ZC3H11A: variants seen among roughly 807,000 people sequenced by gnomAD.
ZC3H11A encodes the protein zinc finger CCCH-type containing 11A.
A neutral mutation model predicts 90.8 loss-of-function variants in ZC3H11A; 22 were observed. The ratio of observed to expected loss-of-function variants is 0.24; its 90% CI spans 0.17 to 0.35. The LOEUF is 0.35. Ranked by LOEUF, ZC3H11A falls within the 10% of genes least tolerant of loss-of-function variation. The probability of loss-of-function intolerance (pLI) is 1.00; values close to 1 mark genes in which losing one functional copy is unlikely to be tolerated. For synonymous variants in ZC3H11A, 294 were observed against 339.8 expected (o/e 0.87, Z 1.48); for missense variants, 701 against 964.9 (o/e 0.73, Z 3.62).
intron 1 of ZC3H11A, chr1:203,799,834 A>T (rs988752544): frequency 6.6e-7 from 1 of 1,506,840 alleles, no homozygotes; most frequent in Non-Finnish European, 8.9e-7. Flanking sequence ...ACTTTGTTAG[A>T]TCCTTGCTTT....
At chr1:203,841,884 G>A (rs1407734910) in intron 12 of ZC3H11A, among the ~76,000 whole-genome samples, 1 of 148,778 alleles carries the variant, frequency 6.7e-6, no homozygotes, top group Non-Finnish European at 1.5e-5. Flanking sequence ...CTTCTCAGAC[G>A]GGGCGGCCGG....
At chr1:203,811,463 A>G (rs10900520) in intron 2 of ZC3H11A, among the ~76,000 whole-genome samples, 48,202 of 152,028 alleles carry the variant, frequency 0.32, 8,277 homozygotes, top group East Asian at 0.74. Context: ...TCTTTGGAAT[A>G]TTGATTTTGT....
At chr1:203,820,112 G>C (rs1300087974) in intron 4 of ZC3H11A, among the ~76,000 whole-genome samples, 1 of 151,710 alleles carries the variant, frequency 6.6e-6, no homozygotes, top group African/African-American at 2.4e-5. Flanking sequence ...GCACGCGTCT[G>C]TAATCCCAGC....
At chr1:203,799,635 A>G (rs1669899579) in intron 1 of ZC3H11A, 1 of 703,420 alleles carries the variant, frequency 1.4e-6, no homozygotes, top group Non-Finnish European at 2.6e-6. Flanking sequence ...AGTGAGCGTG[A>G]AGACCGCAGG....
intron 10 of ZC3H11A, 143 bp from the exon 11 acceptor site, chr1:203,837,823 C>T: frequency 1.3e-6 from 1 of 748,230 alleles, no homozygotes; most frequent in Non-Finnish European, 2.2e-6. Context: ...TAACATTGAA[C>T]TCTAAGGAAG....
At chr1:203,809,074 C>T (rs1673368768) in intron 2 of ZC3H11A, among the ~76,000 whole-genome samples, 1 of 152,106 alleles carries the variant, frequency 6.6e-6, no homozygotes, top group Non-Finnish European at 1.5e-5. Flanking sequence ...AGGTGATCCA[C>T]CTGTCTCGGC....
chr1:203,852,505 G>A lies in ZC3H11A; in HGVS notation c.*106G>A. ...TGATCATTTCTTTAGTCTAGAATTT[G>A]CCCCAAATCAGAAGTATACCTCTGA... On this transcript the variant is annotated 3_prime_UTR_variant, in exon 18 of 18. Transcript: ENST00000367210. The A allele has an allele frequency of 7.5e-7, 1 of 1,330,778 alleles. No individual in the cohort carries two copies. Among genetic ancestry groups the A allele is most frequent in the Non-Finnish European group, 1.0e-6 (1 of 981,662 alleles). 82.4% of individuals were successfully genotyped at this position (1,330,778 alleles called of 1,614,324 possible).
At chr1:203,826,371 A>G (rs903243688) in intron 4 of ZC3H11A, among the ~76,000 whole-genome samples, 4 of 148,498 alleles carry the variant, frequency 2.7e-5, no homozygotes, top group Admixed American at 6.6e-5. Flanking sequence ...ATAAATATTG[A>G]TTAATAATAA....
In ZC3H11A at chr1:203,850,671, A is replaced by G; in HGVS notation, c.2096A>G (p.Lys699Arg). ...GTCCTACAGGAACCCCCAGCCAAAA[A>G]GGCAGCTGTGGTAAGAAGTATATTC... ...SSVLQEPPAK[K>R]AAVAVVPLVS... Residue 699 changes from lysine (K) to arginine (R), a missense_variant, in exon 16 of 18, where the codon AAG (lysine) becomes AGG (arginine). Lys to Arg is a conservative substitution (Grantham distance 26). This residue lies in a region of ZC3H11A where 91 missense variants were observed against 86.8 expected (regional missense o/e 1.05). Coordinates refer to ENST00000367210, the MANE Select transcript of ZC3H11A (RefSeq NM_001376342.1). 1 of 1,613,956 alleles carries G rather than the reference A, an allele frequency of 6.2e-7. No homozygotes were observed. Among genetic ancestry groups the G allele is most frequent in the Non-Finnish European group, 8.5e-7 (1 of 1,179,874 alleles).
intron 4 of ZC3H11A, among the ~76,000 whole-genome samples, chr1:203,819,117 C>CACACGT: frequency 7.1e-6 from 1 of 141,034 alleles, no homozygotes; most frequent in East Asian, 2.0e-4. Context: ...CACACACACA[C>CACACGT]ACGTGTATAT....
intron 2 of ZC3H11A, among the ~76,000 whole-genome samples, chr1:203,803,800 T>TTGC (rs1671261722): frequency 6.6e-6 from 1 of 151,962 alleles, no homozygotes; most frequent in African/African-American, 2.4e-5. Context: ...AGAGATGGAG[T>TTGC]TGCTCTGTGT....
intron 5 of ZC3H11A, 61 bp downstream of exon 5, chr1:203,828,483 AAC>A: frequency 6.5e-7 from 1 of 1,540,414 alleles, no homozygotes; most frequent in Non-Finnish European, 8.8e-7. Context: ...CACACTGTAC[AAC>A]AGTACTTTTC....
At chr1:203,833,091 T>C (rs4951268) in intron 9 of ZC3H11A, among the ~76,000 whole-genome samples, 148,813 of 151,766 alleles carry the variant, frequency 0.98, 73,025 homozygotes, top group East Asian at 1. Context: ...AAAATTAGGC[T>C]GGGTGTGGTG....
chr1:203,841,142 C>CT lies in ZC3H11A; in HGVS notation c.1042+782dup, dbSNP rs1303978527. ...TCCTGATTTAGGGCAACATAAGAAT[C>CT]TTTTTTTTTTTTTTATTTTTTTTTT... On this transcript the variant is annotated intron_variant, in intron 12 of 17. Transcript: ENST00000367210. Among the ~76,000 whole-genome samples, 186 of 129,734 alleles carry CT rather than the reference C, an allele frequency of 1.4e-3. 1 individual carries two copies. Among genetic ancestry groups the CT allele is most frequent in the Non-Finnish European group, 1.7e-3 (103 of 60,164 alleles). The allele number at this position is 129,734 out of a possible 152,430, so 85.1% of individuals were successfully genotyped here. A position where few individuals can be genotyped will look rare whatever the true frequency, so the allele number is the denominator to read the frequency against.
At chr1:203,816,465 A>T (rs1168209939) in intron 2 of ZC3H11A, among the ~76,000 whole-genome samples, 3 of 152,010 alleles carry the variant, frequency 2.0e-5, no homozygotes, top group African/African-American at 4.8e-5. Flanking sequence ...CTTTACAAAA[A>T]TTTTTTTTAA....
At chr1:203,805,699 G>T in intron 2 of ZC3H11A, 1 of 663,794 alleles carries the variant, frequency 1.5e-6, no homozygotes, top group Non-Finnish European at 2.9e-6. Context: ...AACACCTTCT[G>T]GAATTGCAGG....
chr1:203,808,300 G>T (rs1221079794), intron 2 of ZC3H11A, among the ~76,000 whole-genome samples: 1 of 152,142 alleles, frequency 6.6e-6, no homozygotes, highest in Admixed American at 6.5e-5. Context: ...CAGATGAGAA[G>T]TCTAATAATG....
chr1:203,847,425 T>C lies in ZC3H11A; in HGVS notation c.1284T>C (p.Asp428=), dbSNP rs750987900. 4 of 1,613,718 alleles carry C rather than the reference T, an allele frequency of 2.5e-6. No homozygotes were observed. Among genetic ancestry groups the C allele is most frequent in the Admixed American group, 3.3e-5 (2 of 59,990 alleles). Reference sequence around the variant, plus strand: ...CAGAGAGACAAAAAAGCAAAAAGGATACAACTTGCATCAAGCTAAAGATTG... The same window carrying C: ...CAGAGAGACAAAAAAGCAAAAAGGACACAACTTGCATCAAGCTAAAGATTG... ...QEAERQKSKK[D]TTCIKLKIDS... is the part of the protein sequence containing the mutation. Residue 428 remains aspartate, a synonymous_variant, in exon 13 of 18, where the codon GAT becomes GAC. Coordinates refer to ENST00000367210, the MANE Select transcript of ZC3H11A (RefSeq NM_001376342.1).
intron 1 of ZC3H11A, chr1:203,799,132 C>A (rs1197836895): frequency 6.6e-7 from 1 of 1,514,604 alleles, no homozygotes; most frequent in Non-Finnish European, 8.9e-7. Flanking sequence ...TGTTTGATAA[C>A]CAATATTTTA....
Sources: allele counts gnomAD v4.1 joint callset (sites outside exome capture counted in the v4.1 genomes callset), GRCh38; gene constraint gnomAD v4.1.1; regional missense constraint gnomAD v4.1.1; transcripts MANE v1.5; gene names NCBI Gene and HGNC (gene_info 2026-07-23, HGNC 2026-07-21).